The following TMEM165 variants were observed in gnomAD, a reference collection of about 807,000 sequenced individuals.
TMEM165 encodes the protein transmembrane protein 165.
Under a neutral mutation model 30.0 loss-of-function variants are expected in TMEM165, and 19 were observed. That is an observed-to-expected ratio of 0.63 (90% CI 0.44 to 0.93). The LOEUF is 0.93. Ranked by LOEUF, TMEM165 falls within the 40% of genes least tolerant of loss-of-function variation. The pLI, the probability that TMEM165 is intolerant of heterozygous loss-of-function variation, is 0.00. For synonymous variants in TMEM165, 168 were observed against 162.9 expected, an observed-to-expected ratio of 1.03 and a Z score of -0.24; for missense variants, 340 against 417.0, an observed-to-expected ratio of 0.82 and a Z score of 1.61.
rs576287003 is a variant in TMEM165 at position 55,412,949 on chromosome 4, T to C, written c.433+1110T>C. 2.6e-5 allele frequency among the ~76,000 whole-genome samples: 4 copies of C among 152,090 alleles called. No homozygotes were observed. In the East Asian group the frequency reaches 5.8e-4, roughly 22 times the overall value. ...AAAAAATTGGAAATACATCTCTTAA[T>C]GAGATGATAGGGCTATTTTTTATTT... On this transcript the variant is annotated intron_variant, in intron 2 of 5. Transcript: ENST00000381334.
intron 4 of TMEM165, among the ~76,000 whole-genome samples, chr4:55,420,701 A>G (rs533278755): frequency 1.3e-5 from 2 of 152,232 alleles, no homozygotes; most frequent in Admixed American, 1.3e-4. Flanking sequence ...CTTATGAACC[A>G]TGCAGTTGTC....
chr4:55,416,849 C>T, intron 2 of TMEM165: 1 of 391,432 alleles, frequency 2.6e-6, no homozygotes, highest in Non-Finnish European at 4.5e-6. Context: ...TTCAACTGGA[C>T]CATTGGCTTC....
rs1560421472 is a variant in TMEM165, at chr4:55,448,641, T to TGC, written c.409-3597_409-3596insCG. On this transcript the variant is annotated intron_variant, in intron 3 of 3. Coordinates refer to the TMEM165 transcript ENST00000608091. ...GTGTGTGTGTGTGTGTGTGTGTGTG[T>TGC]GTGCTCCTACCTCAGCCTCCCAAGT... 7.8e-5 allele frequency: 46 copies of TGC among 587,078 alleles called. No homozygotes were observed. The African/African-American group carries it at 8.4e-4, about 11-fold the overall frequency. 36.4% of individuals were successfully genotyped at this position (587,078 alleles called of 1,614,324 possible).
intron 1 of TMEM165, among the ~76,000 whole-genome samples, chr4:55,408,352 A>G (rs1227511684): frequency 6.6e-6 from 1 of 152,194 alleles, no homozygotes; most frequent in Non-Finnish European, 1.5e-5. Context: ...AGGCAATTTC[A>G]TTGTGCAGAC....
chr4:55,440,414 T>C (rs2109664847), intron 3 of TMEM165, among the ~76,000 whole-genome samples: 1 of 152,334 alleles, frequency 6.6e-6, no homozygotes, highest in East Asian at 1.9e-4. Context: ...CCATTTGCCT[T>C]TTCTGTGAGA....
intron 1 of TMEM165, chr4:55,403,424 CT>C: frequency 1.7e-6 from 1 of 580,100 alleles, no homozygotes; most frequent in Non-Finnish European, 2.3e-6. Context: ...CTTTGATTTT[CT>C]TTTTCTTCCT....
intron 3 of TMEM165, among the ~76,000 whole-genome samples, chr4:55,447,964 A>G (rs1724008842): frequency 6.6e-6 from 1 of 152,194 alleles, no homozygotes; most frequent in African/African-American, 2.4e-5. Context: ...GTTAGGCTCT[A>G]AAGTAACAGC....
intron 3 of TMEM165, chr4:55,449,962 G>T (rs1724272707): frequency 1.7e-6 from 2 of 1,151,774 alleles, no homozygotes; most frequent in South Asian, 1.4e-5. Context: ...CACTGGAAAG[G>T]TTACTACATT....
At chr4:55,403,721 T>C (rs1721144996) in intron 1 of TMEM165, among the ~76,000 whole-genome samples, 1 of 152,214 alleles carries the variant, frequency 6.6e-6, no homozygotes, top group African/African-American at 2.4e-5. Context: ...TATAACTGAA[T>C]AGTGGAATAC....
chr4:55,428,676 G>A, downstream of TMEM165: 1 of 152,092 alleles, frequency 6.6e-6, no homozygotes, highest in Non-Finnish European at 1.5e-5. Flanking sequence ...AGTAAGGACA[G>A]CAATGTCAAG....
chr4:55,430,717 T>G (rs1722441384), downstream of TMEM165: 1 of 152,200 alleles, frequency 6.6e-6, no homozygotes, highest in Non-Finnish European at 1.5e-5. Flanking sequence ...TTGAAATTAT[T>G]ATATTCTAAA....
chr4:55,452,543 T>C (rs2109766211), exon 4 of TMEM165: 1 of 155,836 alleles, frequency 6.4e-6, no homozygotes, highest in Middle Eastern at 3.4e-3. Flanking sequence ...AACAAGTGTG[T>C]TGTTTTATAT....
At chr4:55,448,731 C>T in intron 3 of TMEM165, 9 of 1,453,700 alleles carry the variant, frequency 6.2e-6, no homozygotes, top group Non-Finnish European at 7.7e-6. Context: ...AGCTTAAAAG[C>T]AATTTATCAT....
chr4:55,401,376 A>C (rs1055164076), intron 1 of TMEM165, among the ~76,000 whole-genome samples: 2 of 150,758 alleles, frequency 1.3e-5, no homozygotes, highest in Non-Finnish European at 2.9e-5. Context: ...CCTGGACAGA[A>C]TATGTAATAT....
chr4:55,426,187 TTG>T (rs1190972923), downstream of TMEM165: 5 of 152,212 alleles, frequency 3.3e-5, no homozygotes, highest in Non-Finnish European at 5.9e-5. Flanking sequence ...TTGTTTTTCC[TTG>T]TGTGTCATAT....
intron 3 of TMEM165, chr4:55,448,829 G>T: frequency 6.2e-7 from 1 of 1,613,898 alleles, no homozygotes; most frequent in South Asian, 1.1e-5. Flanking sequence ...GACATCACTG[G>T]CTGTGTTAAT....
chr4:55,448,492 C>T (rs1478485459), intron 3 of TMEM165, among the ~76,000 whole-genome samples: 2 of 151,896 alleles, frequency 1.3e-5, no homozygotes, highest in African/African-American at 4.8e-5. Context: ...CCAGTGATAC[C>T]CCACAATCAT....
At chr4:55,403,498 C>CTTTTTT (rs71194555) in intron 1 of TMEM165, among the ~76,000 whole-genome samples, 1 of 133,832 alleles carries the variant, frequency 7.5e-6, no homozygotes, top group African/African-American at 2.9e-5. Flanking sequence ...TTTTCTTTTT[C>CTTTTTT]TTTTTTTTTT....
chr4:55,443,074 T>A (rs1477618695), intron 3 of TMEM165, among the ~76,000 whole-genome samples: 1 of 152,196 alleles, frequency 6.6e-6, no homozygotes, highest in Non-Finnish European at 1.5e-5. Context: ...GGGAACAGGC[T>A]TCCTGGTCAG....
Sources: allele counts gnomAD v4.1 joint callset (sites outside exome capture counted in the v4.1 genomes callset), GRCh38; gene constraint gnomAD v4.1.1; transcripts MANE v1.5; gene names NCBI Gene and HGNC (gene_info 2026-07-23, HGNC 2026-07-21).